The following GRID2 variants were observed in gnomAD, a reference collection of about 807,000 sequenced individuals.
GRID2 encodes glutamate receptor ionotropic, delta-2.
Under a neutral mutation model 114.8 loss-of-function variants are expected in GRID2, and 33 were observed. The ratio of observed to expected loss-of-function variants is 0.29; its 90% confidence interval spans 0.22 to 0.38. The LOEUF (loss-of-function observed/expected upper bound fraction) is 0.38, where lower values mean the gene tolerates loss of function less well. Ranked by LOEUF, GRID2 falls within the 10% of genes least tolerant of loss-of-function variation. The pLI is 1.00. For missense variants in GRID2, 1,184 were observed against 1,257.7 expected (o/e 0.94, Z 0.89); for synonymous variants, 505 against 449.9 (o/e 1.12, Z -1.55).
chr4:92,530,201 A>G (rs1305366606), intron 1 of GRID2, among the ~76,000 whole-genome samples: 1 of 152,146 alleles, frequency 6.6e-6, no homozygotes, highest in Admixed American at 6.6e-5. Flanking sequence ...TCAAACTATC[A>G]TAAAATAATA....
intron 8 of GRID2, among the ~76,000 whole-genome samples, chr4:93,259,567 A>G (rs1750016175): frequency 1.3e-5 from 2 of 151,888 alleles, no homozygotes; most frequent in African/African-American, 4.8e-5. Context: ...TGCACAGCTA[A>G]TTAAGTAAAT....
intron 2 of GRID2, among the ~76,000 whole-genome samples, chr4:92,944,023 C>T (rs563128773): frequency 4.3e-4 from 66 of 152,184 alleles, no homozygotes; most frequent in Non-Finnish European, 9.4e-4. Context: ...TTAGGCTACT[C>T]AGGGGTCAGG....
intron 2 of GRID2, among the ~76,000 whole-genome samples, chr4:92,941,852 G>C (rs887725169): frequency 6.6e-6 from 1 of 152,144 alleles, no homozygotes; most frequent in Non-Finnish European, 1.5e-5. Context: ...GGAGCAGGTT[G>C]CTCAATTTCC....
At chr4:93,438,802 A>G (rs1396197212) in intron 10 of GRID2, among the ~76,000 whole-genome samples, 1 of 152,010 alleles carries the variant, frequency 6.6e-6, no homozygotes, top group Non-Finnish European at 1.5e-5. Flanking sequence ...ATTTAGCATT[A>G]GGTATATCTC....
At chr4:92,945,098 C>T (rs1397469178) in intron 2 of GRID2, among the ~76,000 whole-genome samples, 1 of 152,066 alleles carries the variant, frequency 6.6e-6, no homozygotes, top group Non-Finnish European at 1.5e-5. Context: ...TTAACTGTTC[C>T]TGTAAGTCCC....
intron 1 of GRID2, among the ~76,000 whole-genome samples, chr4:92,398,402 G>C (rs2110275216): frequency 6.6e-6 from 1 of 152,244 alleles, no homozygotes; most frequent in Middle Eastern, 3.4e-3. Flanking sequence ...CTGGGCTCAA[G>C]TGATCCTCCT....
At chr4:92,916,102 G>A (rs1421802486) in intron 2 of GRID2, among the ~76,000 whole-genome samples, 1 of 151,952 alleles carries the variant, frequency 6.6e-6, no homozygotes, top group African/African-American at 2.4e-5. Flanking sequence ...TTTAGCTTTT[G>A]TTGCAACTGC....
intron 1 of GRID2, among the ~76,000 whole-genome samples, chr4:93,784,095 A>G (rs1734542459): frequency 6.7e-6 from 1 of 150,374 alleles, no homozygotes; most frequent in African/African-American, 2.5e-5. Flanking sequence ...AAAAAAAAAA[A>G]AAAACCAACC....
At chr4:92,480,113 G>A (rs996394896) in intron 1 of GRID2, among the ~76,000 whole-genome samples, 4 of 151,722 alleles carry the variant, frequency 2.6e-5, no homozygotes, top group Non-Finnish European at 4.4e-5. Flanking sequence ...AATTTTTCTT[G>A]TCAAAAAATA....
intron 14 of GRID2, among the ~76,000 whole-genome samples, chr4:93,752,431 T>G (rs1732404730): frequency 6.6e-6 from 1 of 152,114 alleles, no homozygotes. Context: ...AGTGCCCTGG[T>G]GCAATCTTGG....
rs182886036 is a variant in GRID2 at position 93,159,741 on chromosome 4, A to C, written c.736-47663A>C. ...CTGTTTCAGTGTACTTCTAGAGATT[A>C]AGTTCTTAGCAAAGACATCATTTAT... On this transcript the variant is annotated intron_variant, in intron 4 of 15. Transcript: ENST00000282020. 2.3e-3 allele frequency among the ~76,000 whole-genome samples: 318 copies of C among 139,180 alleles called. 1 individual carries two copies. Among genetic ancestry groups the C allele is most frequent in the African/African-American group, 7.6e-3 (284 of 37,518 alleles). 91.3% of individuals were successfully genotyped at this position (139,180 alleles called of 152,430 possible). A position where few individuals can be genotyped will look rare whatever the true frequency, so the allele number is the denominator to read the frequency against.
At chr4:93,327,228 A>T (rs959718384) in intron 8 of GRID2, among the ~76,000 whole-genome samples, 6 of 152,312 alleles carry the variant, frequency 3.9e-5, no homozygotes, top group South Asian at 2.1e-4. Flanking sequence ...CAGATCATTT[A>T]TACAAAGACT....
intron 14 of GRID2, among the ~76,000 whole-genome samples, chr4:93,692,211 G>T (rs868040271): frequency 1.3e-5 from 2 of 152,118 alleles, no homozygotes; most frequent in South Asian, 4.1e-4. Context: ...AATTGGGGGG[G>T]TTGCAAATTT....
intron 2 of GRID2, among the ~76,000 whole-genome samples, chr4:92,775,603 A>G (rs1270901113): frequency 1.3e-5 from 2 of 152,184 alleles, no homozygotes; most frequent in East Asian, 1.9e-4. Context: ...ATACGGGCTC[A>G]GGATACTGCC....
intron 1 of GRID2, among the ~76,000 whole-genome samples, chr4:92,377,362 A>C (rs963488062): frequency 6.6e-6 from 1 of 152,080 alleles, no homozygotes; most frequent in African/African-American, 2.4e-5. Flanking sequence ...CCTCACTTCC[A>C]TCTGAGACCA....
In GRID2 at chr4:93,518,662, G is replaced by T. The variant is rs557915380; in HGVS notation, c.2193+3251G>T. ...GAGAAAAAATAAAGTAGGAGAAGAGGATGGGAAATACCGAGAAGCAAGGTA... is the reference window on the plus strand; with the variant it reads ...GAGAAAAAATAAAGTAGGAGAAGAGTATGGGAAATACCGAGAAGCAAGGTA... On this transcript the variant is annotated intron_variant, in intron 13 of 15. Coordinates refer to ENST00000282020, the MANE Select transcript of GRID2 (RefSeq NM_001510.4). 2.6e-5 allele frequency among the ~76,000 whole-genome samples: 4 copies of T among 152,204 alleles called. No homozygotes were observed. The East Asian group carries it at 7.7e-4, about 29-fold the overall frequency.
intron 2 of GRID2, among the ~76,000 whole-genome samples, chr4:92,980,565 A>C (rs1387423298): frequency 1.3e-5 from 2 of 152,084 alleles, no homozygotes; most frequent in Non-Finnish European, 2.9e-5. Context: ...GTTGTTATGT[A>C]GTAGAGGCTG....
At chr4:92,992,631 A>C (rs950418938) in intron 2 of GRID2, among the ~76,000 whole-genome samples, 1 of 152,172 alleles carries the variant, frequency 6.6e-6, no homozygotes, top group African/African-American at 2.4e-5. Context: ...ATTTGTGAGA[A>C]TTTCCATTTA....
chr4:92,478,812 A>G (rs1282814201), intron 1 of GRID2, among the ~76,000 whole-genome samples: 1 of 151,968 alleles, frequency 6.6e-6, no homozygotes, highest in Non-Finnish European at 1.5e-5. Context: ...AGAATTTCAA[A>G]TTTGTCATCA....
Sources: gnomAD v4.1 joint callset for allele counts (sites outside exome capture counted in the v4.1 genomes callset) on GRCh38, gnomAD v4.1.1 for gene constraint, MANE v1.5 for transcripts, NCBI Gene and HGNC (gene_info 2026-07-23, HGNC 2026-07-21) for gene names.